The following RGS5 variants were observed in gnomAD, a reference collection of about 807,000 sequenced individuals.
The protein encoded by RGS5 is regulator of G protein signaling 5, also known as regulator of G-protein signalling 5.
A neutral mutation model predicts 18.9 loss-of-function variants in RGS5; 20 were observed. The observed-to-expected ratio is 1.06, with a 90% CI of 0.74 to 1.54. RGS5 has a LOEUF of 1.54. Ranked by LOEUF, RGS5 falls within the 40% of genes most tolerant of loss-of-function variation. The pLI is 0.00. For missense variants in RGS5, 201 were observed against 211.8 expected, an observed-to-expected ratio of 0.95 and a Z score of 0.32; for synonymous variants, 57 against 76.2, an observed-to-expected ratio of 0.75 and a Z score of 1.31.
chr1:163,189,949 G>A (rs183914505), intron 1 of RGS5, among the ~76,000 whole-genome samples: 61 of 152,280 alleles, frequency 4.0e-4, no homozygotes, highest in African/African-American at 1.2e-3. Context: ...AAATTTGATA[G>A]TTATGAAAAT....
chr1:163,186,359 G>A (rs1190490142), intron 1 of RGS5, among the ~76,000 whole-genome samples: 2 of 152,110 alleles, frequency 1.3e-5, no homozygotes, highest in East Asian at 3.9e-4. Flanking sequence ...ATGAGCCACT[G>A]CGCCCAGCCC....
chr1:163,253,789 A>T (rs1648186041), intron 2 of RGS5, among the ~76,000 whole-genome samples: 1 of 144,530 alleles, frequency 6.9e-6, no homozygotes, highest in Admixed American at 6.8e-5. Context: ...TCCTAAAGCT[A>T]TCCCTCCCCC....
chr1:163,220,025 T>G (rs972743208), upstream of RGS5, among the ~76,000 whole-genome samples: 2 of 152,180 alleles, frequency 1.3e-5, no homozygotes, highest in African/African-American at 4.8e-5. Context: ...TACATTCCCA[T>G]CAGCAATCTA....
chr1:163,316,494 A>C (rs954342994), intron 1 of RGS5, among the ~76,000 whole-genome samples: 1 of 152,158 alleles, frequency 6.6e-6, no homozygotes, highest in Non-Finnish European at 1.5e-5. Flanking sequence ...AAACCAATCA[A>C]TAACGTAATG....
chr1:163,198,826 T>G (rs968277877), intron 1 of RGS5, among the ~76,000 whole-genome samples: 2 of 151,998 alleles, frequency 1.3e-5, no homozygotes, highest in Admixed American at 6.6e-5. Flanking sequence ...TTATTTATTT[T>G]TTGTTGTTGT....
chr1:163,149,366 T>C (rs1369583236), intron 4 of RGS5, among the ~76,000 whole-genome samples: 1 of 152,226 alleles, frequency 6.6e-6, no homozygotes, highest in Non-Finnish European at 1.5e-5. Context: ...AGTATATATC[T>C]GTACTGAGCT....
intron 1 of RGS5, among the ~76,000 whole-genome samples, chr1:163,217,120 A>G (rs991833859): frequency 3.9e-5 from 6 of 152,228 alleles, no homozygotes; most frequent in Non-Finnish European, 7.3e-5. Context: ...AATAAAAAAA[A>G]TAACTATTGA....
chr1:163,260,910 A>G (rs987068565), intron 2 of RGS5, among the ~76,000 whole-genome samples: 1 of 152,164 alleles, frequency 6.6e-6, no homozygotes, highest in Non-Finnish European at 1.5e-5. Flanking sequence ...TATCTGTTTA[A>G]ATGACTGTGT....
chr1:163,221,357 C>T (rs989049760), upstream of RGS5, among the ~76,000 whole-genome samples: 2 of 152,004 alleles, frequency 1.3e-5, no homozygotes, highest in African/African-American at 4.8e-5. Context: ...ATTAGCTGGG[C>T]GTGGTGGTGT....
chr1:163,210,790 T>C (rs1660086895), intron 1 of RGS5: 1 of 152,224 alleles, frequency 6.6e-6, no homozygotes, highest in South Asian at 2.1e-4. Flanking sequence ...AATTTCTGTC[T>C]AGGATTTTAT....
At chr1:163,188,092 T>A (rs2101642756) in intron 1 of RGS5, among the ~76,000 whole-genome samples, 1 of 152,198 alleles carries the variant, frequency 6.6e-6, no homozygotes, top group South Asian at 2.1e-4. Context: ...AGGAGAGTTT[T>A]TCCGACATAG....
intron 1 of RGS5, chr1:163,212,753 C>T (rs947406678): frequency 6.6e-6 from 1 of 152,150 alleles, no homozygotes; most frequent in African/African-American, 2.4e-5. Context: ...AAATGATATA[C>T]ACTCTCCTCC....
At chr1:163,171,319 A>T (rs1483146408) in intron 1 of RGS5, among the ~76,000 whole-genome samples, 1 of 152,202 alleles carries the variant, frequency 6.6e-6, no homozygotes, top group Non-Finnish European at 1.5e-5. Context: ...TGCAAGGTGC[A>T]CTAGGACACA....
At chr1:163,220,574 C>T (rs1191027820), upstream of RGS5, among the ~76,000 whole-genome samples, 1 of 152,138 alleles carries the variant, frequency 6.6e-6, no homozygotes, top group Non-Finnish European at 1.5e-5. Flanking sequence ...TCCACAGGAC[C>T]AATTCTATAA....
intron 1 of RGS5, among the ~76,000 whole-genome samples, chr1:163,207,984 A>C (rs1325449375): frequency 6.6e-6 from 1 of 152,198 alleles, no homozygotes; most frequent in Non-Finnish European, 1.5e-5. Context: ...ATAATTATTC[A>C]ATACTGTGTG....
chr1:163,286,874 T>C (rs1176698593), intron 2 of RGS5, among the ~76,000 whole-genome samples: 2 of 152,194 alleles, frequency 1.3e-5, no homozygotes, highest in African/African-American at 4.8e-5. Flanking sequence ...TTTACTTTCA[T>C]TCCTTTCTTC....
intron 3 of RGS5, among the ~76,000 whole-genome samples, chr1:163,154,798 C>T (rs929560145): frequency 4.0e-5 from 6 of 150,102 alleles, no homozygotes; most frequent in Non-Finnish European, 7.4e-5. Context: ...ATGGTTAAAA[C>T]GTCCATTTTA....
chr1:163,192,391 T>C (rs567633632), intron 1 of RGS5, among the ~76,000 whole-genome samples: 2 of 152,252 alleles, frequency 1.3e-5, no homozygotes, highest in South Asian at 2.1e-4. Context: ...ATCCCACACA[T>C]TGGGTGTCAG....
intron 2 of RGS5, among the ~76,000 whole-genome samples, chr1:163,234,373 A>G (rs1557914286): frequency 6.6e-6 from 1 of 152,164 alleles, no homozygotes; most frequent in Non-Finnish European, 1.5e-5. Context: ...TGGTACTGAA[A>G]TATTTTCCAT....
Sources: gnomAD v4.1 joint callset for allele counts (sites outside exome capture counted in the v4.1 genomes callset) on GRCh38, gnomAD v4.1.1 for gene constraint, MANE v1.5 for transcripts, NCBI Gene and HGNC (gene_info 2026-07-23, HGNC 2026-07-21) for gene names.